Variants in SLC35D4 observed in about 807,000 individuals in gnomAD.
SLC35D4 encodes the protein solute carrier family 35 member D4.
At chr18:23,380,310 A>T in the SLC35D4 span, among the ~76,000 whole-genome samples, 1 of 152,062 alleles carries the variant, frequency 6.6e-6, no homozygotes, top group Non-Finnish European at 1.5e-5. Context: ...GAATGAGGGA[A>T]GCTGCCCATC....
chr18:23,310,593 G>A, the SLC35D4 span, among the ~76,000 whole-genome samples: 1 of 152,128 alleles, frequency 6.6e-6, no homozygotes, highest in African/African-American at 2.4e-5. Flanking sequence ...TTCTTGCAGT[G>A]AGAGGTGGGA....
the SLC35D4 span, among the ~76,000 whole-genome samples, chr18:23,397,710 G>A: frequency 3.3e-5 from 5 of 152,110 alleles, no homozygotes; most frequent in African/African-American, 9.7e-5. Flanking sequence ...AAATCCATAC[G>A]CATTGGCCCT....
chr18:23,245,365 G>A, the SLC35D4 span, among the ~76,000 whole-genome samples: 1 of 152,156 alleles, frequency 6.6e-6, no homozygotes, highest in East Asian at 1.9e-4. Context: ...AAAAAAAATA[G>A]CCAGGCGTGG....
the SLC35D4 span, among the ~76,000 whole-genome samples, chr18:23,415,755 C>T: frequency 2.0e-4 from 30 of 152,334 alleles, no homozygotes; most frequent in African/African-American, 3.8e-4. Flanking sequence ...TGTACAACAG[C>T]GCTATCTGTC....
the SLC35D4 span, among the ~76,000 whole-genome samples, chr18:23,319,840 G>C: frequency 6.6e-6 from 1 of 152,210 alleles, no homozygotes; most frequent in African/African-American, 2.4e-5. Context: ...ATTGTTTCAG[G>C]TAAAAAGTCA....
At chr18:23,382,449 C>T in the SLC35D4 span, among the ~76,000 whole-genome samples, 2 of 151,738 alleles carry the variant, frequency 1.3e-5, no homozygotes, top group South Asian at 4.1e-4. Flanking sequence ...TGGTTCCTGC[C>T]ATTGGAAGAC....
the SLC35D4 span, among the ~76,000 whole-genome samples, chr18:23,266,406 CAA>C: frequency 1.4e-3 from 141 of 103,704 alleles, no homozygotes; most frequent in African/African-American, 2.8e-3. Context: ...TAATTCTTAG[CAA>C]AAAAAAAAAA....
chr18:23,402,759 AT>A, the SLC35D4 span, among the ~76,000 whole-genome samples: 1,129 of 152,038 alleles, frequency 7.4e-3, 10 homozygotes, highest in African/African-American at 0.026. Flanking sequence ...AACCATGATC[AT>A]GCCATTGCAC....
chr18:23,350,682 A>G, the SLC35D4 span, among the ~76,000 whole-genome samples: 1 of 152,164 alleles, frequency 6.6e-6, no homozygotes, highest in African/African-American at 2.4e-5. Context: ...AACTCAAGCT[A>G]GTAAAGCTAC....
chr18:23,399,724 C>CCAG, the SLC35D4 span: 2 of 1,348,234 alleles, frequency 1.5e-6, no homozygotes, highest in Admixed American at 3.7e-5. Flanking sequence ...GGCTGACCCT[C>CCAG]CAGATGCATC....
the SLC35D4 span, among the ~76,000 whole-genome samples, chr18:23,399,253 C>A: frequency 6.6e-5 from 10 of 152,304 alleles, 1 homozygote; most frequent in East Asian, 1.9e-3. Flanking sequence ...GGACAGCCTG[C>A]ATTCAGGCAG....
At chr18:23,333,986 T>G in the SLC35D4 span, among the ~76,000 whole-genome samples, 1 of 152,266 alleles carries the variant, frequency 6.6e-6, no homozygotes, top group South Asian at 2.1e-4. Context: ...GATGTAACCC[T>G]GAGTAGGATG....
chr18:23,426,229 T>TA, the SLC35D4 span, among the ~76,000 whole-genome samples: 1 of 152,152 alleles, frequency 6.6e-6, no homozygotes, highest in South Asian at 2.1e-4. Flanking sequence ...TTTGACCACA[T>TA]AAAAAATATT....
At chr18:23,382,239 CAAAAAAA>C in the SLC35D4 span, among the ~76,000 whole-genome samples, 2 of 75,704 alleles carry the variant, frequency 2.6e-5, no homozygotes, top group African/African-American at 5.4e-5. Flanking sequence ...GACTCAGTCT[CAAAAAAA>C]AAAAAAAAAA....
chr18:23,291,813 A>G, the SLC35D4 span, among the ~76,000 whole-genome samples: 4 of 152,214 alleles, frequency 2.6e-5, no homozygotes, highest in African/African-American at 9.6e-5. Context: ...ACAGAACTGT[A>G]TAGCAGAATG....
chr18:23,264,643 G>T, the SLC35D4 span, among the ~76,000 whole-genome samples: 180 of 152,184 alleles, frequency 1.2e-3, 2 homozygotes, highest in East Asian at 0.017. Flanking sequence ...TTATAGGCAT[G>T]AGCCACCGTG....
the SLC35D4 span, among the ~76,000 whole-genome samples, chr18:23,262,700 T>C: frequency 6.6e-6 from 1 of 152,178 alleles, no homozygotes; most frequent in South Asian, 2.1e-4. Flanking sequence ...ATTCCCCAGG[T>C]GGGCCCAGGG....
the SLC35D4 span, among the ~76,000 whole-genome samples, chr18:23,315,690 C>T: frequency 6.6e-6 from 1 of 152,190 alleles, no homozygotes; most frequent in African/African-American, 2.4e-5. Context: ...TCTCTCTACC[C>T]CTTATCCTTG....
At chr18:23,356,482 A>T in the SLC35D4 span, 2 of 1,094,998 alleles carry the variant, frequency 1.8e-6, no homozygotes, top group Non-Finnish European at 2.8e-6. This position sits in a 1 kb window ranked among gnomAD's most constrained non-coding sequence, Gnocchi z 4.1. Flanking sequence ...TGCATCCACC[A>T]CCACTCTCTC....
Sources: allele counts gnomAD v4.1 joint callset (sites outside exome capture counted in the v4.1 genomes callset), GRCh38; gene constraint gnomAD v4.1.1; non-coding constraint Gnocchi (gnomAD v3.1); transcripts MANE v1.5; gene names NCBI Gene and HGNC (gene_info 2026-07-23, HGNC 2026-07-21).